YAF2: variants seen among roughly 807,000 people sequenced by gnomAD.
YAF2 encodes the protein YY1-associated factor 2.
YAF2 carries 7 observed loss-of-function variants against 20.1 expected under a neutral mutation model. The ratio of observed to expected loss-of-function variants is 0.35; its 90% CI spans 0.20 to 0.65. The LOEUF is 0.65. Ranked by LOEUF, YAF2 falls within the 30% of genes least tolerant of loss-of-function variation. The probability of loss-of-function intolerance (pLI) is 0.69; values close to 1 mark genes in which losing one functional copy is unlikely to be tolerated. For synonymous variants in YAF2, 74 were observed against 76.0 expected (o/e 0.97, Z 0.14); for missense variants, 151 against 219.2 (o/e 0.69, Z 1.96).
At chr12:42,189,969 G>C (rs1363253478) in intron 2 of YAF2, among the ~76,000 whole-genome samples, 1 of 152,114 alleles carries the variant, frequency 6.6e-6, no homozygotes, top group African/African-American at 2.4e-5. Flanking sequence ...ATTCTGAAAG[G>C]GTTGAAGACA....
intron 2 of YAF2, among the ~76,000 whole-genome samples, chr12:42,186,419 G>C (rs1047455903): frequency 2.0e-5 from 3 of 151,888 alleles, no homozygotes; most frequent in African/African-American, 7.3e-5. Context: ...GGTTGATCAA[G>C]AAAATAACTT....
At chr12:42,231,601 T>C (rs904698776) in intron 2 of YAF2, 2 of 152,226 alleles carry the variant, frequency 1.3e-5, no homozygotes, top group African/African-American at 4.8e-5. Flanking sequence ...ATTTTGTACT[T>C]TGATGGATTA....
chr12:42,215,140 T>C (rs2067316412), intron 2 of YAF2, among the ~76,000 whole-genome samples: 2 of 152,354 alleles, frequency 1.3e-5, no homozygotes, highest in Non-Finnish European at 2.9e-5. Context: ...ATGAAAATAT[T>C]TTTGAAATTC....
chr12:42,225,869 T>C (rs1175131421), intron 2 of YAF2, among the ~76,000 whole-genome samples: 1 of 152,154 alleles, frequency 6.6e-6, no homozygotes, highest in East Asian at 1.9e-4. Context: ...AGGCTCTTTT[T>C]TGGTTCCACA....
chr12:42,186,564 C>A (rs1218770654), intron 2 of YAF2, among the ~76,000 whole-genome samples: 1 of 151,286 alleles, frequency 6.6e-6, no homozygotes, highest in Non-Finnish European at 1.5e-5. Context: ...TAATCCCAAG[C>A]TACTTGGAAG....
At chr12:42,178,032 G>A (rs1033199349) in intron 2 of YAF2, among the ~76,000 whole-genome samples, 2 of 152,078 alleles carry the variant, frequency 1.3e-5, no homozygotes, top group African/African-American at 4.8e-5. Flanking sequence ...ATTGTAAACA[G>A]GGACTTTTTC....
At position 42,160,422 on chromosome 12, in the gene YAF2, T is replaced by C. The variant is rs895929191; in HGVS notation, c.*167A>G. 4 of 602,436 alleles carry C rather than the reference T, an allele frequency of 6.6e-6. No homozygotes were observed. The highest frequency in any genetic ancestry group is 1.1e-5 in the Non-Finnish European group (4 of 348,224). The allele number at this position is 602,436 out of a possible 1,614,324, so 37.3% of individuals were successfully genotyped here. A position where few individuals can be genotyped will look rare whatever the true frequency, so the allele number is the denominator to read the frequency against. ...TAAGTCTGGAAATGTTTGGTAGGCA[T>C]CATTGCAATAAAATCTAACAAATTC... is the stretch of plus-strand genomic sequence containing the variant. On this transcript the variant is annotated 3_prime_UTR_variant, in exon 4 of 4. Coordinates refer to ENST00000534854, the MANE Select transcript of YAF2 (RefSeq NM_005748.6).
chr12:42,223,012 G>A (rs1476184134), intron 2 of YAF2, among the ~76,000 whole-genome samples: 1 of 149,240 alleles, frequency 6.7e-6, no homozygotes, highest in Non-Finnish European at 1.5e-5. Context: ...TTCATTATCT[G>A]TCACTTGTGC....
rs538832286 is a variant in YAF2, at chr12:42,159,980, T to C, written c.*609A>G. The C allele has an allele frequency of 6.6e-6, 1 of 152,506 alleles. No individual in the cohort carries two copies. Among genetic ancestry groups the C allele is most frequent in the Admixed American group, 6.6e-5 (1 of 15,262 alleles). The allele number at this position is 152,506 out of a possible 1,614,324, so 9.4% of individuals were successfully genotyped here. ...AAGCAAACAAAAAAACCTCAAAAAA[T>C]AGATAAAACCAGAAACATAATTCAG... On this transcript the variant is annotated 3_prime_UTR_variant, in exon 4 of 4. Coordinates refer to ENST00000534854, the MANE Select transcript of YAF2 (RefSeq NM_005748.6).
rs578259789 is a variant in YAF2 at position 42,201,346 on chromosome 12, G to A, written c.152+36253C>T. Reference sequence around the variant, plus strand: ...ATGGGTGAAAATTGATAGCTCGTACGTTTTCAACTGCACTTCCCTACAAAT... The same window carrying A: ...ATGGGTGAAAATTGATAGCTCGTACATTTTCAACTGCACTTCCCTACAAAT... On this transcript the variant is annotated intron_variant, in intron 2 of 3. Transcript: ENST00000534854. Among the ~76,000 whole-genome samples the A allele has an allele frequency of 1.2e-4, 19 of 152,242 alleles. 1 individual carries two copies. In the South Asian group the frequency reaches 2.9e-3, roughly 23 times the overall value.
In YAF2 at chr12:42,159,251, A is replaced by G. The variant is rs1488698532; in HGVS notation, c.*1338T>C. 1 of 152,110 alleles carries G rather than the reference A, an allele frequency of 6.6e-6. No individual in the cohort carries two copies. The highest frequency in any genetic ancestry group is 2.4e-5 in the African/African-American group (1 of 41,432). 9.4% of individuals were successfully genotyped at this position (152,110 alleles called of 1,614,324 possible). A position where few individuals can be genotyped will look rare whatever the true frequency, so the allele number is the denominator to read the frequency against. On this transcript the variant is annotated 3_prime_UTR_variant, in exon 4 of 4. Coordinates refer to ENST00000534854, the MANE Select transcript of YAF2 (RefSeq NM_005748.6). ...ATGTTATCATGATGTCTTATGTGAT[A>G]TTTTGCATCCACATTCTATTTTTAA...
chr12:42,231,418 C>T (rs2067980970), intron 2 of YAF2: 1 of 152,132 alleles, frequency 6.6e-6, no homozygotes, highest in African/African-American at 2.4e-5. Flanking sequence ...AATCTGGACT[C>T]TCACAGATAT....
At chr12:42,174,776 T>A (rs2066138573) in intron 2 of YAF2, among the ~76,000 whole-genome samples, 1 of 152,210 alleles carries the variant, frequency 6.6e-6, no homozygotes, top group African/African-American at 2.4e-5. Flanking sequence ...AATGGCATTT[T>A]AAAAATATGA....
At chr12:42,172,130 A>G (rs1011758188) in intron 2 of YAF2, 4 of 152,210 alleles carry the variant, frequency 2.6e-5, no homozygotes, top group Non-Finnish European at 5.9e-5. Flanking sequence ...TCACACAGTT[A>G]AGTACTTACA....
At chr12:42,184,961 A>G (rs953225171) in intron 2 of YAF2, among the ~76,000 whole-genome samples, 2 of 152,218 alleles carry the variant, frequency 1.3e-5, no homozygotes, top group Non-Finnish European at 2.9e-5. Flanking sequence ...AGATCACTTA[A>G]GCTCACAAGT....
chr12:42,233,090 T>C, intron 2 of YAF2: 8 of 985,412 alleles, frequency 8.1e-6, no homozygotes, highest in African/African-American at 1.7e-5. Flanking sequence ...CAATAAACAT[T>C]TGCTGAATGC....
chr12:42,210,733 G>GA lies in YAF2; in HGVS notation c.152+26865dup. The GA allele has an allele frequency of 4.1e-6, 6 of 1,468,474 alleles. No homozygotes were observed. In the South Asian group the frequency reaches 7.7e-5, roughly 19 times the overall value. The allele number at this position is 1,468,474 out of a possible 1,614,324, so 91.0% of individuals were successfully genotyped here. A position where few individuals can be genotyped will look rare whatever the true frequency, so the allele number is the denominator to read the frequency against. The stretch of plus-strand genomic sequence containing the variant: ...TTATTTGAGATTATTATCACACGTA[G>GA]AACTACAGAAGAAAGCATAAATTCA... On this transcript the variant is annotated intron_variant, in intron 2 of 3. Transcript: ENST00000534854.
At chr12:42,235,346 TC>T in intron 2 of YAF2, 1 of 1,012,510 alleles carries the variant, frequency 9.9e-7, no homozygotes. Context: ...CGTTCTGCAG[TC>T]CTTTAATCTT....
At chr12:42,209,563 CAAAAAAAAAAAAAA>C (rs71084623) in intron 2 of YAF2, among the ~76,000 whole-genome samples, 1 of 27,806 alleles carries the variant, frequency 3.6e-5, no homozygotes, top group South Asian at 1.3e-3. Context: ...GACTTTGTCT[CAAAAAAAAAAAAAA>C]AAAAAAAAAA....
Sources: allele counts gnomAD v4.1 joint callset (sites outside exome capture counted in the v4.1 genomes callset), GRCh38; gene constraint gnomAD v4.1.1; transcripts MANE v1.5; gene names NCBI Gene and HGNC (gene_info 2026-07-23, HGNC 2026-07-21).